Variants in CHST9 observed in about 807,000 individuals in gnomAD.
The protein encoded by CHST9 is GalNAc-4-sulfotransferase 2.
CHST9 carries 41 observed loss-of-function variants against 44.4 expected under a neutral mutation model. The ratio of observed to expected loss-of-function variants is 0.92; its 90% CI spans 0.72 to 1.20. CHST9 has a LOEUF of 1.20. CHST9 is among the 50% of genes most tolerant of loss of function. CHST9 has a pLI of 0.00. For synonymous variants in CHST9, 171 were observed against 178.4 expected (o/e 0.96, Z 0.33); for missense variants, 504 against 516.5 (o/e 0.98, Z 0.23).
intron 1 of CHST9, among the ~76,000 whole-genome samples, chr18:27,159,496 G>A (rs546997484): frequency 6.6e-6 from 1 of 152,194 alleles, no homozygotes. Flanking sequence ...GTACCATGCT[G>A]TTTTGGTTAC....
At chr18:27,175,604 CTTTAT>C (rs1423585557) in intron 1 of CHST9, among the ~76,000 whole-genome samples, 2 of 151,938 alleles carry the variant, frequency 1.3e-5, no homozygotes, top group South Asian at 2.1e-4. Flanking sequence ...AGCTTACAAA[CTTTAT>C]TTTATTTACT....
intron 2 of CHST9, among the ~76,000 whole-genome samples, chr18:27,139,427 T>A (rs1014201738): frequency 1.3e-5 from 2 of 152,016 alleles, no homozygotes; most frequent in Non-Finnish European, 2.9e-5. Context: ...CATATATTTA[T>A]TTATTTAAAA....
intron 4 of CHST9, among the ~76,000 whole-genome samples, chr18:27,003,284 G>C (rs994187081): frequency 2.0e-5 from 3 of 152,028 alleles, no homozygotes; most frequent in Non-Finnish European, 4.4e-5. Flanking sequence ...CACATGGCGA[G>C]TCAGGGGAAC....
intron 2 of CHST9, among the ~76,000 whole-genome samples, chr18:27,135,922 T>C (rs1022098708): frequency 6.6e-6 from 1 of 152,212 alleles, no homozygotes; most frequent in Admixed American, 6.5e-5. Context: ...CGTGACGCTG[T>C]TGCTTCTGCT....
At chr18:27,088,019 G>T (rs982460554) in intron 2 of CHST9, among the ~76,000 whole-genome samples, 8 of 152,156 alleles carry the variant, frequency 5.3e-5, no homozygotes, top group African/African-American at 1.9e-4. Context: ...TCAAAGACTG[G>T]AATTTTTGGA....
chr18:27,090,498 G>A (rs1260917524), intron 2 of CHST9, among the ~76,000 whole-genome samples: 1 of 152,172 alleles, frequency 6.6e-6, no homozygotes, highest in African/African-American at 2.4e-5. Flanking sequence ...TGCTTTTGGT[G>A]TTTTAGTCAT....
chr18:26,995,259 TAAA>T (rs56839431), intron 4 of CHST9, among the ~76,000 whole-genome samples: 131 of 110,078 alleles, frequency 1.2e-3, no homozygotes, highest in African/African-American at 3.6e-3. Context: ...CCATCTCTAC[TAAA>T]AAAAAAAAAA....
chr18:27,154,741 C>T (rs2058685234), intron 1 of CHST9, among the ~76,000 whole-genome samples: 1 of 152,020 alleles, frequency 6.6e-6, no homozygotes, highest in Admixed American at 6.6e-5. Context: ...TGCCTGAATT[C>T]AAATCACAAC....
At chr18:27,146,147 G>C (rs548934722) in intron 1 of CHST9, among the ~76,000 whole-genome samples, 2 of 152,188 alleles carry the variant, frequency 1.3e-5, no homozygotes, top group Non-Finnish European at 2.9e-5. Flanking sequence ...TCGGGGGTTT[G>C]CAGAGGAAAA....
At chr18:27,106,289 A>G (rs2058220645) in intron 2 of CHST9, among the ~76,000 whole-genome samples, 1 of 152,186 alleles carries the variant, frequency 6.6e-6, no homozygotes, top group African/African-American at 2.4e-5. Context: ...TTCTAAGAGT[A>G]AAATTAGTTG....
At chr18:27,113,220 A>C (rs528385448) in intron 2 of CHST9, among the ~76,000 whole-genome samples, 2 of 151,566 alleles carry the variant, frequency 1.3e-5, no homozygotes, top group South Asian at 4.2e-4. Flanking sequence ...AATTGATGAC[A>C]CCAATCAGTA....
intron 5 of CHST9, among the ~76,000 whole-genome samples, chr18:26,940,061 T>C (rs1350694935): frequency 6.6e-6 from 1 of 152,134 alleles, no homozygotes; most frequent in Non-Finnish European, 1.5e-5. Context: ...CCTTCTTTCT[T>C]TGATTTCACA....
intron 3 of CHST9, among the ~76,000 whole-genome samples, chr18:27,028,283 G>A (rs1390078151): frequency 6.6e-6 from 1 of 152,044 alleles, no homozygotes; most frequent in Admixed American, 6.5e-5. Context: ...AGAAATAGCA[G>A]TTCTCTTCTA....
intron 2 of CHST9, among the ~76,000 whole-genome samples, chr18:27,060,016 A>G (rs1167333258): frequency 6.6e-6 from 1 of 152,184 alleles, no homozygotes; most frequent in Non-Finnish European, 1.5e-5. Flanking sequence ...GGTTGAATGG[A>G]GTTTACTAGG....
At chr18:26,969,033 C>G (rs1468939575) in intron 4 of CHST9, among the ~76,000 whole-genome samples, 2 of 145,492 alleles carry the variant, frequency 1.4e-5, no homozygotes, top group Non-Finnish European at 3.0e-5. Context: ...GAGTCTCGCT[C>G]TGTCACCCAG....
chr18:27,123,335 T>G (rs936074069), intron 2 of CHST9, among the ~76,000 whole-genome samples: 1 of 152,168 alleles, frequency 6.6e-6, no homozygotes, highest in Non-Finnish European at 1.5e-5. Context: ...AATTCAGAGC[T>G]GGTGCCCTGT....
In CHST9 at chr18:27,178,706, G is replaced by T. The variant is rs180739110; in HGVS notation, c.-97+6430C>A. 6.8e-4 allele frequency among the ~76,000 whole-genome samples: 104 copies of T among 152,064 alleles called. 1 individual carries two copies. The highest frequency in any genetic ancestry group is 2.4e-3 in the African/African-American group (100 of 41,514). ...GCTTTTAGGATGTCAAGAGTGCACA[G>T]GTTAAATACCTCTGAAACAGACAAA... On this transcript the variant is annotated intron_variant, in intron 1 of 5. Transcript: ENST00000618847.
At chr18:27,096,785 T>G (rs2058120985) in intron 2 of CHST9, among the ~76,000 whole-genome samples, 1 of 151,760 alleles carries the variant, frequency 6.6e-6, no homozygotes, top group Admixed American at 6.6e-5. Context: ...GAATCAGTAA[T>G]AAAGATTCTA....
At chr18:27,007,097 G>A (rs2057026136) in intron 4 of CHST9, among the ~76,000 whole-genome samples, 1 of 152,112 alleles carries the variant, frequency 6.6e-6, no homozygotes, top group Admixed American at 6.6e-5. Context: ...TCTCCATGGT[G>A]GAGAAACCCA....
Sources: gnomAD v4.1 joint callset for allele counts (sites outside exome capture counted in the v4.1 genomes callset) on GRCh38, gnomAD v4.1.1 for gene constraint, MANE v1.5 for transcripts, NCBI Gene and HGNC (gene_info 2026-07-23, HGNC 2026-07-21) for gene names.